SMARCD3: variants seen among roughly 807,000 people sequenced by gnomAD.
The protein encoded by SMARCD3 is SWI/SNF related BAF chromatin remodeling complex subunit D3.
A neutral mutation model predicts 58.0 loss-of-function variants in SMARCD3; 14 were observed. The observed-to-expected ratio is 0.24, with a 90% CI of 0.16 to 0.38. The LOEUF (loss-of-function observed/expected upper bound fraction) is 0.38, where lower values mean the gene tolerates loss of function less well. Ranked by LOEUF, SMARCD3 falls within the 10% of genes least tolerant of loss-of-function variation. The pLI is 1.00. For missense variants in SMARCD3, 408 were observed against 636.9 expected (o/e 0.64, Z 3.87); for synonymous variants, 253 against 253.8 (o/e 1.00, Z 0.03).
chr7:151,257,472 ACC>A, intron 2 of SMARCD3, among the ~76,000 whole-genome samples: 1 of 152,126 alleles, frequency 6.6e-6, no homozygotes, highest in East Asian at 1.9e-4. Context: ...GACTACAGGC[ACC>A]CGCCACCACA....
At position 151,258,880 on chromosome 7, in the gene SMARCD3, A is replaced by G. The variant is rs898880501; in HGVS notation, c.40-13209T>C. Among the ~76,000 whole-genome samples, 3 of 152,158 alleles carry G rather than the reference A, an allele frequency of 2.0e-5. No homozygotes were observed. The South Asian group carries it at 6.2e-4, about 32-fold the overall frequency. On this transcript the variant is annotated intron_variant, in intron 2 of 13. Transcript: ENST00000356800. ...TCACCTCCCAAAAGCCTTTGTTCAC[A>G]TGTCTCCTTCTCAATGAGGCACAGT... is the stretch of plus-strand genomic sequence containing the variant.
intron 2 of SMARCD3, among the ~76,000 whole-genome samples, chr7:151,271,325 GCCCAGGTAAGCAAA>G (rs1337632209): frequency 6.6e-6 from 1 of 152,104 alleles, no homozygotes; most frequent in Admixed American, 6.5e-5. Flanking sequence ...CTGTTCCCAT[GCCCAGGTAAGCAAA>G]CCCAGGTTAG....
chr7:151,259,393 C>CTGTGTGTGTGTGTGTG (rs758652327), intron 2 of SMARCD3, among the ~76,000 whole-genome samples: 4 of 136,016 alleles, frequency 2.9e-5, no homozygotes, highest in Non-Finnish European at 3.1e-5. Context: ...AAGGTAGGGG[C>CTGTGTGTGTGTGTGTG]TGTGTGTGTG....
Position 151,243,273 on chromosome 7 carries a change from ACACCTGTCC to A in SMARCD3, c.333+377_333+385del, listed in dbSNP as rs1240894314. ...TCTGCTGGCACCTTGCTCAGCCCCC[ACACCTGTCC>A]CAACTGTGCTGTCCCCATACCCAGC... On this transcript the variant is annotated intron_variant, in intron 3 of 12. Transcript: ENST00000262188. This position sits in a 1 kb window ranked among gnomAD's most constrained non-coding sequence, Gnocchi z 4.4. 2.0e-5 allele frequency among the ~76,000 whole-genome samples: 3 copies of A among 152,048 alleles called. No homozygotes were observed. Among genetic ancestry groups the A allele is most frequent in the Non-Finnish European group, 4.4e-5 (3 of 67,980 alleles).
In SMARCD3 at chr7:151,241,629, G is replaced by A. The variant is rs1369687572; in HGVS notation, c.802C>T (p.Arg268Cys). ...YQPPQFKLDP[R>C]LARLLGLHTQ... Reference sequence around the variant, plus strand: ...TGCAGCCCCAGCAGCCGGGCTAGGCGGGGATCCAGTTTGAACTGGGGAGGC... The same window carrying A: ...TGCAGCCCCAGCAGCCGGGCTAGGCAGGGATCCAGTTTGAACTGGGGAGGC... Residue 268 changes from arginine (R) to cysteine (C), a missense_variant, in exon 8 of 13, where the codon CGC becomes TGC. Physicochemically the swap from Arg to Cys is radical, Grantham distance 180. Around this residue, in one of 4 missense-constraint regions of SMARCD3, gnomAD observed 115 missense variants for 257.2 expected, o/e 0.45. Coordinates refer to ENST00000262188, the MANE Select transcript of SMARCD3 (RefSeq NM_001003801.2). This position sits in a 1 kb window ranked among gnomAD's most constrained non-coding sequence, Gnocchi z 5.3. The A allele has an allele frequency of 2.5e-6, 4 of 1,611,484 alleles. No homozygotes were observed. The highest frequency in any genetic ancestry group is 1.1e-5 in the South Asian group (1 of 90,478).
At chr7:151,274,447 GA>G (rs1260401061) in intron 2 of SMARCD3, among the ~76,000 whole-genome samples, 1 of 152,238 alleles carries the variant, frequency 6.6e-6, no homozygotes, top group Non-Finnish European at 1.5e-5. Context: ...GGAGGCTTAG[GA>G]AGGCCCTACA....
At chr7:151,274,666 T>C (rs1035079052) in intron 2 of SMARCD3, among the ~76,000 whole-genome samples, 1 of 152,188 alleles carries the variant, frequency 6.6e-6, no homozygotes, top group African/African-American at 2.4e-5. Context: ...GCAGAGAGCA[T>C]GTGGTGTGTG....
At chr7:151,250,853 G>A (rs1448303372), upstream of SMARCD3, among the ~76,000 whole-genome samples, 1 of 152,118 alleles carries the variant, frequency 6.6e-6, no homozygotes, top group East Asian at 1.9e-4. Flanking sequence ...TGCTTGCAAA[G>A]CTTAATGAGC....
At position 151,245,258 on chromosome 7, in the gene SMARCD3, G is replaced by C. The variant is rs558081521; in HGVS notation, c.290+202C>G. ...GTACCGGCTGCCGACGCCGCAGCCT[G>C]TCTCTACCGTGGGCACACAAAAGAA... On this transcript the variant is annotated intron_variant, in intron 2 of 12. Transcript: ENST00000262188. This position sits in a 1 kb window ranked among gnomAD's most constrained non-coding sequence, Gnocchi z 6.2. Among the ~76,000 whole-genome samples the C allele has an allele frequency of 1.5e-4, 23 of 151,980 alleles. No homozygotes were observed. The highest frequency in any genetic ancestry group is 4.6e-4 in the Admixed American group (7 of 15,280).
chr7:151,267,023 T>C (rs1804102474), intron 2 of SMARCD3, among the ~76,000 whole-genome samples: 1 of 152,188 alleles, frequency 6.6e-6, no homozygotes, highest in East Asian at 1.9e-4. Flanking sequence ...GTGGTATTTA[T>C]ACCACAGGAA....
chr7:151,243,270 C>T lies in SMARCD3; in HGVS notation c.333+389G>A, dbSNP rs1333950297. ...TTCTCTGCTGGCACCTTGCTCAGCC[C>T]CCACACCTGTCCCAACTGTGCTGTC... On this transcript the variant is annotated intron_variant, in intron 3 of 12. Transcript: ENST00000262188. The surrounding 1 kb of genome is among the most constrained non-coding windows in gnomAD (Gnocchi z 4.4). Among the ~76,000 whole-genome samples the T allele has an allele frequency of 6.6e-6, 1 of 152,202 alleles. No individual in the cohort carries two copies. The highest frequency in any genetic ancestry group is 1.5e-5 in the Non-Finnish European group (1 of 68,036).
upstream of SMARCD3, among the ~76,000 whole-genome samples, chr7:151,251,417 G>C (rs1803505209): frequency 6.6e-6 from 1 of 152,174 alleles, no homozygotes; most frequent in Non-Finnish European, 1.5e-5. Flanking sequence ...CACATCCCGT[G>C]GTGGGCCCCA....
Position 151,242,649 on chromosome 7 carries a change from C to G in SMARCD3, c.457-46G>C. On this transcript the variant is annotated intron_variant, in intron 4 of 12. Coordinates refer to ENST00000262188, the MANE Select transcript of SMARCD3 (RefSeq NM_001003801.2). The surrounding 1 kb of genome is among the most constrained non-coding windows in gnomAD (Gnocchi z 4.7). ...ACCGGGCGAATGCTGTGTGCTCCCA[C>G]CCCGACCACCCTGCTTCCCCATCCT... 1 of 1,612,306 alleles carries G rather than the reference C, an allele frequency of 6.2e-7. No individual in the cohort carries two copies. Among genetic ancestry groups the G allele is most frequent in the Non-Finnish European group, 8.5e-7 (1 of 1,178,464 alleles).
rs953027220 is a variant in SMARCD3 at position 151,248,185 on chromosome 7, C to A, written c.78+300G>T. Among the ~76,000 whole-genome samples the A allele has an allele frequency of 1.3e-5, 2 of 151,428 alleles. No homozygotes were observed. Among genetic ancestry groups the A allele is most frequent in the African/African-American group, 2.4e-5 (1 of 41,194 alleles). ...CCACAAGGAAAAGAACGAAAGTCAACCTGTCGGCTACAGCGAGGACCCCCT... is the reference window on the plus strand; with the variant it reads ...CCACAAGGAAAAGAACGAAAGTCAAACTGTCGGCTACAGCGAGGACCCCCT... On this transcript the variant is annotated intron_variant, in intron 1 of 12. Coordinates refer to ENST00000262188, the MANE Select transcript of SMARCD3 (RefSeq NM_001003801.2). The surrounding 1 kb of genome is among the most constrained non-coding windows in gnomAD (Gnocchi z 6.1).
At chr7:151,271,955 T>A (rs1422614856) in intron 2 of SMARCD3, among the ~76,000 whole-genome samples, 1 of 152,176 alleles carries the variant, frequency 6.6e-6, no homozygotes, top group African/African-American at 2.4e-5. Flanking sequence ...TGAGACTCTG[T>A]CTCTTACAAA....
rs769870005 is a variant in SMARCD3 at position 151,241,827 on chromosome 7, G to T, written c.777+50C>A. 7.9e-5 allele frequency: 120 copies of T among 1,521,012 alleles called. No individual in the cohort carries two copies. The highest frequency in any genetic ancestry group is 3.7e-5 in the Admixed American group (2 of 53,604). The allele number at this position is 1,521,012 out of a possible 1,614,324, so 94.2% of individuals were successfully genotyped here. A position where few individuals can be genotyped will look rare whatever the true frequency, so the allele number is the denominator to read the frequency against. ...ATGCACCACTTTGGGACCTAGCCCT[G>T]CCCTGAGGGCCTTGTGTGGCGTGTA... On this transcript the variant is annotated intron_variant, in intron 7 of 12. Coordinates refer to ENST00000262188, the MANE Select transcript of SMARCD3 (RefSeq NM_001003801.2). The surrounding 1 kb of genome is among the most constrained non-coding windows in gnomAD (Gnocchi z 5.3).
intron 2 of SMARCD3, among the ~76,000 whole-genome samples, chr7:151,267,771 G>GT (rs1350899305): frequency 1.3e-5 from 2 of 152,216 alleles, no homozygotes; most frequent in African/African-American, 2.4e-5. Context: ...GAGCTCAAGA[G>GT]TTTGAGACCA....
chr7:151,246,919 C>T lies in SMARCD3; in HGVS notation c.79-1248G>A, dbSNP rs547845371. ...GGCACTGTTAACATGGACACACCAC[C>T]CACCTCACCCCCAGGCATGAGGAGG... On this transcript the variant is annotated intron_variant, in intron 1 of 12. Coordinates refer to ENST00000262188, the MANE Select transcript of SMARCD3 (RefSeq NM_001003801.2). This position sits in a 1 kb window ranked among gnomAD's most constrained non-coding sequence, Gnocchi z 4.4. Among the ~76,000 whole-genome samples, 18 of 152,210 alleles carry T rather than the reference C, an allele frequency of 1.2e-4. No homozygotes were observed. The highest frequency in any genetic ancestry group is 5.9e-4 in the Admixed American group (9 of 15,298).
At position 151,248,685 on chromosome 7, in the gene SMARCD3, C is replaced by A. The variant is rs534075489; in HGVS notation, c.-123G>T. 171 of 1,433,456 alleles carry A rather than the reference C, an allele frequency of 1.2e-4. 1 individual carries two copies. In the East Asian group the frequency reaches 3.7e-3, roughly 31 times the overall value. The allele number at this position is 1,433,456 out of a possible 1,614,324, so 88.8% of individuals were successfully genotyped here. ...TGCTGGGCTCTCTCACACTTCTACT[C>A]GAGCGGAGTGGGGAGGGGGCCCCTT... On this transcript the variant is annotated 5_prime_UTR_variant, in exon 1 of 13. Coordinates refer to ENST00000262188, the MANE Select transcript of SMARCD3 (RefSeq NM_001003801.2). The surrounding 1 kb of genome is among the most constrained non-coding windows in gnomAD (Gnocchi z 6.1).
Sources: allele counts gnomAD v4.1 joint callset (sites outside exome capture counted in the v4.1 genomes callset), GRCh38; gene constraint gnomAD v4.1.1; regional missense constraint gnomAD v4.1.1; non-coding constraint Gnocchi (gnomAD v3.1); transcripts MANE v1.5; gene names NCBI Gene and HGNC (gene_info 2026-07-23, HGNC 2026-07-21).